The following SUGCT variants were observed in gnomAD, a reference collection of about 807,000 sequenced individuals.
SUGCT encodes the protein succinyl-CoA:glutarate-CoA transferase.
A neutral mutation model predicts 55.0 loss-of-function variants in SUGCT; 41 were observed. The ratio of observed to expected loss-of-function variants is 0.74; its 90% confidence interval spans 0.58 to 0.97. The LOEUF (loss-of-function observed/expected upper bound fraction) is 0.97, where lower values mean the gene tolerates loss of function less well. SUGCT is among the 50% of genes least tolerant of loss of function. The pLI, the probability that SUGCT is intolerant of heterozygous loss-of-function variation, is 0.00. For synonymous variants in SUGCT, 187 were observed against 200.4 expected (o/e 0.93, Z 0.56); for missense variants, 568 against 547.8 (o/e 1.04, Z -0.37).
At chr7:40,446,022 T>G (rs1788812717) in intron 9 of SUGCT, among the ~76,000 whole-genome samples, 2 of 152,048 alleles carry the variant, frequency 1.3e-5, no homozygotes, top group Non-Finnish European at 1.5e-5. Context: ...TGAAGAGATG[T>G]GTATTGTAAG....
intron 13 of SUGCT, among the ~76,000 whole-genome samples, chr7:40,784,116 C>T (rs1199025103): frequency 6.6e-6 from 1 of 152,018 alleles, no homozygotes; most frequent in Non-Finnish European, 1.5e-5. Context: ...TCTTCTTAGT[C>T]TAATAAGAAC....
downstream of SUGCT, chr7:40,860,779 A>G (rs1479632144): frequency 4.4e-6 from 1 of 226,042 alleles, no homozygotes; most frequent in African/African-American, 2.3e-5. Context: ...TCCTTATTCT[A>G]CTTACATTAA....
At chr7:40,943,387 G>A in the SUGCT span, among the ~76,000 whole-genome samples, 42 of 147,194 alleles carry the variant, frequency 2.9e-4, no homozygotes, top group African/African-American at 8.5e-4. Context: ...CCATTAACTC[G>A]TCATTTAGCA....
At chr7:40,224,423 T>C (rs951907588) in intron 6 of SUGCT, among the ~76,000 whole-genome samples, 1 of 149,550 alleles carries the variant, frequency 6.7e-6, no homozygotes, top group African/African-American at 2.6e-5. Flanking sequence ...TGTGTGTGTG[T>C]GTGTGTGCAT....
intron 13 of SUGCT, among the ~76,000 whole-genome samples, chr7:40,831,928 G>A (rs190015472): frequency 1.1e-3 from 170 of 152,328 alleles, no homozygotes; most frequent in African/African-American, 3.7e-3. Context: ...CAGAGGAGGA[G>A]TCTTCTGGCA....
intron 12 of SUGCT, among the ~76,000 whole-genome samples, chr7:40,563,463 T>A (rs1795953450): frequency 6.6e-6 from 1 of 151,810 alleles, no homozygotes; most frequent in Non-Finnish European, 1.5e-5. Context: ...CCCAGCACTT[T>A]GGGAGGCCAA....
At chr7:40,285,761 T>C (rs1050401762) in intron 8 of SUGCT, among the ~76,000 whole-genome samples, 1 of 152,186 alleles carries the variant, frequency 6.6e-6, no homozygotes, top group African/African-American at 2.4e-5. Context: ...GTGAGTACTT[T>C]TTTAATGTTT....
chr7:40,800,443 C>T (rs953053817), intron 13 of SUGCT, among the ~76,000 whole-genome samples: 3 of 152,192 alleles, frequency 2.0e-5, no homozygotes, highest in African/African-American at 7.2e-5. Flanking sequence ...CACCCGCCAT[C>T]ACGCCTGGCT....
intron 9 of SUGCT, among the ~76,000 whole-genome samples, chr7:40,448,469 T>C (rs573008194): frequency 2.0e-4 from 30 of 152,232 alleles, no homozygotes; most frequent in Non-Finnish European, 3.7e-4. Context: ...TGAATCACTC[T>C]TTTTTGTTTT....
chr7:40,803,074 T>C (rs1790903742), intron 13 of SUGCT, among the ~76,000 whole-genome samples: 1 of 152,246 alleles, frequency 6.6e-6, no homozygotes, highest in South Asian at 2.1e-4. Context: ...TAGTTGATGA[T>C]AATGGAAAAT....
intron 9 of SUGCT, 65 bp downstream of exon 9, chr7:40,316,920 A>T: frequency 1.7e-6 from 1 of 572,754 alleles, no homozygotes; most frequent in Non-Finnish European, 2.8e-6. Flanking sequence ...GTGTTTTTGG[A>T]AAATGATTTC....
intron 6 of SUGCT, among the ~76,000 whole-genome samples, chr7:40,219,025 C>T (rs749822784): frequency 6.6e-6 from 1 of 152,208 alleles, no homozygotes; most frequent in Non-Finnish European, 1.5e-5. Flanking sequence ...TCCGCACTAC[C>T]TTTATGAGCT....
At chr7:40,895,584 A>T in the SUGCT span, among the ~76,000 whole-genome samples, 3 of 152,336 alleles carry the variant, frequency 2.0e-5, no homozygotes, top group Non-Finnish European at 2.9e-5. Context: ...ACAGAATGAA[A>T]TAAAAAATTA....
At chr7:40,733,339 A>G (rs1786993418) in intron 12 of SUGCT, among the ~76,000 whole-genome samples, 1 of 152,106 alleles carries the variant, frequency 6.6e-6, no homozygotes, top group South Asian at 2.1e-4. Flanking sequence ...TGCTCTACTT[A>G]TCAGTATTAT....
intron 12 of SUGCT, among the ~76,000 whole-genome samples, chr7:40,552,513 C>T (rs1341983362): frequency 6.6e-6 from 1 of 152,094 alleles, no homozygotes; most frequent in Non-Finnish European, 1.5e-5. Flanking sequence ...TGGCTCAACT[C>T]CCCCACTCAT....
chr7:40,532,193 C>T (rs1385005022), intron 12 of SUGCT, among the ~76,000 whole-genome samples: 3 of 152,112 alleles, frequency 2.0e-5, no homozygotes, highest in Non-Finnish European at 4.4e-5. Flanking sequence ...ATCCAATGCT[C>T]ATGAATGATT....
intron 1 of SUGCT, among the ~76,000 whole-genome samples, chr7:40,174,149 A>G (rs979151239): frequency 2.0e-4 from 30 of 151,980 alleles, no homozygotes; most frequent in Non-Finnish European, 7.4e-5. Flanking sequence ...CAGCCTTTCA[A>G]GTAGCTGGGA....
intron 12 of SUGCT, among the ~76,000 whole-genome samples, chr7:40,685,801 A>G (rs1000809003): frequency 1.3e-5 from 2 of 152,152 alleles, no homozygotes; most frequent in African/African-American, 2.4e-5. Context: ...ACTTTGTGCA[A>G]CCAAGGTGGG....
chr7:40,163,049 G>A (rs1395021696), intron 1 of SUGCT, among the ~76,000 whole-genome samples: 2 of 152,226 alleles, frequency 1.3e-5, no homozygotes, highest in Non-Finnish European at 2.9e-5. Flanking sequence ...TCTAAGGAGA[G>A]TAGAGGCCTG....
Sources: gnomAD v4.1 joint callset for allele counts (sites outside exome capture counted in the v4.1 genomes callset) on GRCh38, gnomAD v4.1.1 for gene constraint, MANE v1.5 for transcripts, NCBI Gene and HGNC (gene_info 2026-07-23, HGNC 2026-07-21) for gene names.